Variants in PRDM11 observed in about 807,000 individuals in gnomAD.
PRDM11 encodes the protein PR domain-containing protein 11.
In PRDM11, 20 loss-of-function variants were observed where a neutral mutation model predicts 97.8. That is an observed-to-expected ratio of 0.20 (90% confidence interval 0.14 to 0.30). PRDM11 has a LOEUF of 0.30. Among genes scored for constraint, PRDM11 ranks in the 10% least tolerant of loss-of-function variants. PRDM11 has a pLI of 1.00. For missense variants in PRDM11, 1,139 were observed against 1,555.2 expected (o/e 0.73, Z 4.50); for synonymous variants, 599 against 637.7 (o/e 0.94, Z 0.91).
At chr11:45,206,932 G>T (rs957574824) in intron 5 of PRDM11, among the ~76,000 whole-genome samples, 1 of 152,204 alleles carries the variant, frequency 6.6e-6, no homozygotes, top group African/African-American at 2.4e-5. Context: ...CAGGTGAAGC[G>T]TGGCTTCCTG....
intron 4 of PRDM11, among the ~76,000 whole-genome samples, chr11:45,183,458 G>A (rs1001188824): frequency 6.6e-6 from 1 of 152,180 alleles, no homozygotes; most frequent in East Asian, 1.9e-4. Flanking sequence ...TGGGTGACTC[G>A]GAGCTGGCCT....
At chr11:45,101,189 A>G (rs1374010210) in intron 1 of PRDM11, among the ~76,000 whole-genome samples, 2 of 152,170 alleles carry the variant, frequency 1.3e-5, no homozygotes, top group Admixed American at 1.3e-4. Context: ...ACTTCCAGTT[A>G]GGGAGGGGGT....
intron 1 of PRDM11, among the ~76,000 whole-genome samples, chr11:45,165,501 A>C (rs2135710179): frequency 6.6e-6 from 1 of 152,332 alleles, no homozygotes; most frequent in South Asian, 2.1e-4. Context: ...TCTGCCACGC[A>C]GGCCGCACAC....
At chr11:45,103,652 TTTTAAAA>T (rs1364684509) in intron 1 of PRDM11, among the ~76,000 whole-genome samples, 75 of 151,426 alleles carry the variant, frequency 5.0e-4, no homozygotes, top group African/African-American at 1.8e-3. Context: ...GGTCACACGG[TTTTAAAA>T]AGTCATTGAG....
At chr11:45,201,218 G>T (rs1853315999) in intron 4 of PRDM11, among the ~76,000 whole-genome samples, 1 of 152,114 alleles carries the variant, frequency 6.6e-6, no homozygotes, top group African/African-American at 2.4e-5. Context: ...ATTGGGAATG[G>T]TTAAGTTTTG....
intron 4 of PRDM11, among the ~76,000 whole-genome samples, chr11:45,192,117 C>T (rs1852936555): frequency 6.6e-6 from 1 of 152,066 alleles, no homozygotes; most frequent in South Asian, 2.1e-4. Context: ...AATGTCCTAC[C>T]ATGTCAGAAA....
Position 45,226,500 on chromosome 11 carries a change from C to T in PRDM11, c.1875C>T (p.Asp625=). The T allele has an allele frequency of 6.5e-7, 1 of 1,533,954 alleles. No individual in the cohort carries two copies. The highest frequency in any genetic ancestry group is 8.7e-7 in the Non-Finnish European group (1 of 1,146,738). ...LLRKCELKVV[D]QYMNEGDCQI... Reference sequence around the variant, plus strand: ...GGAAGTGTGAGCTCAAGGTGGTGGACCAGTACATGAATGAGGGAGACTGCC... The same window carrying T: ...GGAAGTGTGAGCTCAAGGTGGTGGATCAGTACATGAATGAGGGAGACTGCC... The change falls in exon 8 of 8, where the codon GAC becomes GAT. Residue 625 remains aspartate, a synonymous_variant. Transcript: ENST00000683152.
chr11:45,217,419 G>A (rs977796692), intron 5 of PRDM11, among the ~76,000 whole-genome samples: 6 of 152,200 alleles, frequency 3.9e-5, no homozygotes, highest in African/African-American at 9.7e-5. Flanking sequence ...TAAGAACACC[G>A]ATGTGTTGGG....
At chr11:45,156,470 G>A (rs920342151) in intron 1 of PRDM11, among the ~76,000 whole-genome samples, 13 of 152,252 alleles carry the variant, frequency 8.5e-5, no homozygotes, top group South Asian at 2.1e-4. Context: ...AATGGAGACC[G>A]TGGTCCGCAG....
chr11:45,107,180 C>A (rs1852076535), intron 1 of PRDM11, among the ~76,000 whole-genome samples: 1 of 152,194 alleles, frequency 6.6e-6, no homozygotes, highest in Non-Finnish European at 1.5e-5. Flanking sequence ...GGTCACCAGG[C>A]AGCCAGGACA....
chr11:45,165,499 G>A (rs930280391), intron 1 of PRDM11, among the ~76,000 whole-genome samples: 2 of 152,210 alleles, frequency 1.3e-5, no homozygotes, highest in South Asian at 4.1e-4. Flanking sequence ...TCTCTGCCAC[G>A]CAGGCCGCAC....
chr11:45,184,483 T>C (rs990030430), intron 4 of PRDM11, among the ~76,000 whole-genome samples: 1 of 152,116 alleles, frequency 6.6e-6, no homozygotes, highest in Non-Finnish European at 1.5e-5. Flanking sequence ...AAGACTGGGC[T>C]AGGGTTGGGG....
intron 4 of PRDM11, among the ~76,000 whole-genome samples, chr11:45,186,041 A>G (rs76505729): frequency 0.012 from 1,868 of 152,216 alleles, 35 homozygotes; most frequent in African/African-American, 0.042. Flanking sequence ...GAAAAGTCAA[A>G]GAAACACATT....
At chr11:45,205,953 C>T (rs1853494420) in intron 5 of PRDM11, among the ~76,000 whole-genome samples, 1 of 152,168 alleles carries the variant, frequency 6.6e-6, no homozygotes, top group Non-Finnish European at 1.5e-5. Flanking sequence ...ACCAGCGGGC[C>T]CCCTGCCTTG....
upstream of PRDM11, among the ~76,000 whole-genome samples, chr11:45,094,751 T>TA (rs1394841817): frequency 5.8e-4 from 3 of 5,188 alleles, no homozygotes; most frequent in African/African-American, 1.6e-3. Context: ...AGGGAAGGAA[T>TA]GAAGAAAGGG....
intron 1 of PRDM11, among the ~76,000 whole-genome samples, chr11:45,128,910 G>A (rs571520670): frequency 1.8e-4 from 28 of 152,222 alleles, no homozygotes; most frequent in Admixed American, 1.8e-3. Context: ...AAGCATAAAT[G>A]TGAAAATCCT....
At chr11:45,094,321 G>T (rs1308789047), upstream of PRDM11, among the ~76,000 whole-genome samples, 1 of 151,958 alleles carries the variant, frequency 6.6e-6, no homozygotes, top group African/African-American at 2.4e-5. Flanking sequence ...GAAACAGGAG[G>T]CTTCTGGGAA....
intron 5 of PRDM11, among the ~76,000 whole-genome samples, chr11:45,211,927 G>T (rs1189857765): frequency 6.6e-6 from 1 of 152,172 alleles, no homozygotes; most frequent in Admixed American, 6.5e-5. Flanking sequence ...CCACAGGATG[G>T]CCCCAAGCAA....
At chr11:45,098,903 C>T (rs1407486223) in intron 1 of PRDM11, among the ~76,000 whole-genome samples, 1 of 152,140 alleles carries the variant, frequency 6.6e-6, no homozygotes, top group Non-Finnish European at 1.5e-5. Context: ...TTGTACTAAG[C>T]AAGGGAGTTT....
Sources: allele counts gnomAD v4.1 joint callset (sites outside exome capture counted in the v4.1 genomes callset), GRCh38; gene constraint gnomAD v4.1.1; transcripts MANE v1.5; gene names NCBI Gene and HGNC (gene_info 2026-07-23, HGNC 2026-07-21).